The following SAXO2 variants were observed in gnomAD, a reference collection of about 807,000 sequenced individuals.
The protein encoded by SAXO2 is stabilizer of axonemal microtubules 2, also known as family with sequence similarity 154, member B.
Under a neutral mutation model 18.7 loss-of-function variants are expected in SAXO2, and 17 were observed. The observed-to-expected ratio is 0.91, with a 90% CI of 0.62 to 1.36. SAXO2 has a LOEUF of 1.36. SAXO2 is among the 40% of genes most tolerant of loss of function. The pLI, the probability that SAXO2 is intolerant of heterozygous loss-of-function variation, is 0.00. For missense variants in SAXO2, 486 were observed against 562.6 expected (o/e 0.86, Z 1.38); for synonymous variants, 163 against 181.2 (o/e 0.90, Z 0.81).
chr15:82,269,391 T>A (rs2075249426), intron 2 of SAXO2, among the ~76,000 whole-genome samples: 2 of 152,072 alleles, frequency 1.3e-5, no homozygotes, highest in Non-Finnish European at 2.9e-5. Flanking sequence ...AGAGAGTAGC[T>A]TGTAGCAGGA....
intron 2 of SAXO2, among the ~76,000 whole-genome samples, chr15:82,269,027 A>C (rs1179274919): frequency 6.6e-6 from 1 of 152,168 alleles, no homozygotes; most frequent in East Asian, 1.9e-4. Context: ...AGATGTCTTG[A>C]CAAGCAGAGG....
chr15:82,282,091 A>C (rs1235497000), intron 3 of SAXO2, 28 bp from the exon 4 acceptor site: 7 of 1,533,210 alleles, frequency 4.6e-6, no homozygotes, highest in South Asian at 3.8e-5. Flanking sequence ...GCATTTAAAA[A>C]TGTTTTTGCT....
rs534940248 is a variant in SAXO2, at chr15:82,267,155, C to T, written c.233+1407C>T. 5.1e-4 allele frequency among the ~76,000 whole-genome samples: 77 copies of T among 152,274 alleles called. 1 individual carries two copies. Among genetic ancestry groups the T allele is most frequent in the African/African-American group, 1.7e-3 (72 of 41,548 alleles). On this transcript the variant is annotated intron_variant, in intron 2 of 3. Transcript: ENST00000682753. Reference sequence around the variant, plus strand: ...TGAGGGTGCATGCCAGTGACACAGCCTCAGGAGGTCCCAATAATATGTGCC... The same window carrying T: ...TGAGGGTGCATGCCAGTGACACAGCTTCAGGAGGTCCCAATAATATGTGCC...
chr15:82,281,680 A>C (rs1348959246), intron 3 of SAXO2, among the ~76,000 whole-genome samples: 1 of 151,964 alleles, frequency 6.6e-6, no homozygotes, highest in African/African-American at 2.4e-5. Flanking sequence ...CCACCCATGA[A>C]GGGCACTTGA....
chr15:82,265,214 C>T (rs1400156059), intron 1 of SAXO2, among the ~76,000 whole-genome samples: 1 of 152,186 alleles, frequency 6.6e-6, no homozygotes, highest in Non-Finnish European at 1.5e-5. Context: ...GATCTTGGCT[C>T]ACTGCAAGCT....
intron 2 of SAXO2, among the ~76,000 whole-genome samples, chr15:82,269,130 G>A (rs1330919435): frequency 1.3e-5 from 2 of 152,164 alleles, no homozygotes; most frequent in East Asian, 3.8e-4. Context: ...GGTATACAGT[G>A]GTGAACAAAA....
chr15:82,268,954 T>C (rs1429293913), intron 2 of SAXO2, among the ~76,000 whole-genome samples: 1 of 152,230 alleles, frequency 6.6e-6, no homozygotes, highest in African/African-American at 2.4e-5. Flanking sequence ...ATTCTCTCAC[T>C]TCCTGACTGC....
At chr15:82,276,425 C>G (rs184091782) in intron 3 of SAXO2, among the ~76,000 whole-genome samples, 1 of 152,146 alleles carries the variant, frequency 6.6e-6, no homozygotes, top group African/African-American at 2.4e-5. Context: ...AAGAATAAAA[C>G]CAGAGGCATT....
At chr15:82,263,001 CG>C in intron 1 of SAXO2, 69 bp downstream of exon 1, 1 of 1,555,610 alleles carries the variant, frequency 6.4e-7, no homozygotes, top group East Asian at 2.4e-5. Flanking sequence ...TGCACGGAGC[CG>C]GCTCCTCGGG....
At chr15:82,270,321 C>T (rs1199287023) in intron 2 of SAXO2, among the ~76,000 whole-genome samples, 1 of 151,964 alleles carries the variant, frequency 6.6e-6, no homozygotes, top group Non-Finnish European at 1.5e-5. Flanking sequence ...ATCAGGAAGT[C>T]GGGAAGAGAA....
rs773467002 is a variant in SAXO2, at chr15:82,283,102, T to G, written c.*40T>G. The G allele has an allele frequency of 1.5e-6, 2 of 1,326,570 alleles. No homozygotes were observed. The highest frequency in any genetic ancestry group is 2.0e-6 in the Non-Finnish European group (2 of 1,020,326). The allele number at this position is 1,326,570 out of a possible 1,614,324, so 82.2% of individuals were successfully genotyped here. On this transcript the variant is annotated 3_prime_UTR_variant, in exon 4 of 4. Transcript: ENST00000682753. ...TTAAAAGGAAGGTACTAGCAAGTTG[T>G]TGTTTTTCCAAGAGAAAACTCAATT...
chr15:82,265,544 A>C (rs777742155), intron 1 of SAXO2, 25 bp from the exon 2 acceptor site: 5 of 1,308,438 alleles, frequency 3.8e-6, no homozygotes, highest in Non-Finnish European at 3.9e-6. Context: ...TTTAAGGTTA[A>C]TCTTTCAGTT....
intron 3 of SAXO2, among the ~76,000 whole-genome samples, chr15:82,279,208 G>A (rs1040740055): frequency 3.3e-5 from 5 of 152,002 alleles, no homozygotes; most frequent in African/African-American, 9.7e-5. Flanking sequence ...CCTTATAGAC[G>A]TTTATTTTAC....
Position 82,262,845 on chromosome 15 carries a change from G to A in SAXO2, c.-35G>A. The A allele has an allele frequency of 1.3e-6, 2 of 1,561,100 alleles. No individual in the cohort carries two copies. The highest frequency in any genetic ancestry group is 1.7e-6 in the Non-Finnish European group (2 of 1,153,060). ...CTACGGCGGGCGCTGTGGGAGTGGA[G>A]AAGCTGCAAGTGCTGAGGCGCGGTG... On this transcript the variant is annotated 5_prime_UTR_variant, in exon 1 of 4. Coordinates refer to ENST00000682753, the MANE Select transcript of SAXO2 (RefSeq NM_001348699.2).
intron 2 of SAXO2, among the ~76,000 whole-genome samples, chr15:82,270,230 T>A (rs996531446): frequency 4.6e-5 from 7 of 152,068 alleles, no homozygotes; most frequent in Admixed American, 4.6e-4. Flanking sequence ...TGTAGGTAGG[T>A]CCAAGTCTTG....
intron 3 of SAXO2, among the ~76,000 whole-genome samples, chr15:82,280,016 A>G (rs1313086090): frequency 6.6e-5 from 10 of 152,212 alleles, no homozygotes; most frequent in African/African-American, 2.4e-4. Context: ...ATTGTTAGAC[A>G]TGGACAGCAT....
At chr15:82,263,327 G>A (rs1194202169) in intron 1 of SAXO2, 63 of 931,830 alleles carry the variant, frequency 6.8e-5, no homozygotes, top group Non-Finnish European at 9.7e-5. Context: ...CCCTGAGTCT[G>A]CAACCCATAT....
In SAXO2 at chr15:82,265,972, A is replaced by AT. The variant is rs909221554; in HGVS notation, c.233+233dup. Among the ~76,000 whole-genome samples, 121 of 150,952 alleles carry AT rather than the reference A, an allele frequency of 8.0e-4. 2 individuals are homozygous for AT. The East Asian group carries it at 0.018, about 22-fold the overall frequency. Reference sequence around the variant, plus strand: ...AGAAAAAAGGGATATAAAAAGTTCTATTTTTTTTTAACTTCTTAAAATATC... The same window carrying AT: ...AGAAAAAAGGGATATAAAAAGTTCTATTTTTTTTTTAACTTCTTAAAATATC... On this transcript the variant is annotated intron_variant, in intron 2 of 3. Transcript: ENST00000682753.
chr15:82,275,498 G>A (rs1399695212), intron 3 of SAXO2, among the ~76,000 whole-genome samples: 1 of 151,866 alleles, frequency 6.6e-6, no homozygotes, highest in Admixed American at 6.6e-5. Context: ...TACAGACCAT[G>A]GTCCCTGAAC....
Sources: allele counts gnomAD v4.1 joint callset (sites outside exome capture counted in the v4.1 genomes callset), GRCh38; gene constraint gnomAD v4.1.1; transcripts MANE v1.5; gene names NCBI Gene and HGNC (gene_info 2026-07-23, HGNC 2026-07-21).